RNLS: variants seen among roughly 807,000 people sequenced by gnomAD.
RNLS encodes renalase, FAD dependent amine oxidase.
RNLS carries 39 observed loss-of-function variants against 39.8 expected under a neutral mutation model. That is an observed-to-expected ratio of 0.98 (90% CI 0.76 to 1.28). The LOEUF (loss-of-function observed/expected upper bound fraction) is 1.28, where lower values mean the gene tolerates loss of function less well. Ranked by LOEUF, RNLS falls within the 50% of genes most tolerant of loss-of-function variation. The pLI is 0.00. For missense variants in RNLS, 410 were observed against 413.3 expected (o/e 0.99, Z 0.07); for synonymous variants, 147 against 150.7 (o/e 0.98, Z 0.18).
At chr10:88,267,148 A>C in the RNLS span, among the ~76,000 whole-genome samples, 1 of 152,178 alleles carries the variant, frequency 6.6e-6, no homozygotes, top group African/African-American at 2.4e-5. Flanking sequence ...TGTTTTGCAG[A>C]GGACCCAAAT....
chr10:88,267,691 G>C, the RNLS span, among the ~76,000 whole-genome samples: 1 of 152,118 alleles, frequency 6.6e-6, no homozygotes, highest in Non-Finnish European at 1.5e-5. Flanking sequence ...CCTACAAATT[G>C]AGCACATCTG....
intron 4 of RNLS, among the ~76,000 whole-genome samples, chr10:88,468,930 TTAAA>T (rs953706139): frequency 1.3e-5 from 2 of 152,200 alleles, no homozygotes; most frequent in Admixed American, 6.6e-5. Flanking sequence ...CTTTGAGTTG[TTAAA>T]TAAAGTATGG....
the RNLS span, among the ~76,000 whole-genome samples, chr10:88,247,482 A>G: frequency 4.6e-5 from 7 of 152,194 alleles, no homozygotes; most frequent in Non-Finnish European, 1.0e-4. Flanking sequence ...CCAGTCTGCC[A>G]TTTACTGTGT....
At chr10:88,377,820 A>G (rs972311611) in intron 4 of RNLS, among the ~76,000 whole-genome samples, 7 of 152,186 alleles carry the variant, frequency 4.6e-5, no homozygotes, top group African/African-American at 9.7e-5. Flanking sequence ...ATTTTCTTCA[A>G]TAATAAATTA....
intron 5 of RNLS, among the ~76,000 whole-genome samples, chr10:88,330,901 A>G (rs1366403067): frequency 6.6e-6 from 1 of 152,184 alleles, no homozygotes; most frequent in Non-Finnish European, 1.5e-5. Context: ...ATAGGCTGGT[A>G]CTATTTAATA....
chr10:88,515,762 A>T (rs963713625), intron 4 of RNLS, among the ~76,000 whole-genome samples: 15 of 152,098 alleles, frequency 9.9e-5, no homozygotes, highest in African/African-American at 3.6e-4. Context: ...AGGAAATAAG[A>T]AAAAGCAAAG....
chr10:88,444,690 C>A (rs1440140041), intron 4 of RNLS, among the ~76,000 whole-genome samples: 2 of 152,116 alleles, frequency 1.3e-5, no homozygotes, highest in Non-Finnish European at 2.9e-5. Context: ...GCTTCAGTAG[C>A]CGATTCGATC....
the RNLS span, among the ~76,000 whole-genome samples, chr10:88,218,634 A>C: frequency 2.0e-5 from 3 of 152,166 alleles, no homozygotes; most frequent in Non-Finnish European, 4.4e-5. Context: ...TCCCAGGCCT[A>C]TCTCTTCACC....
intron 4 of RNLS, among the ~76,000 whole-genome samples, chr10:88,510,849 GA>G (rs950402467): frequency 6.7e-4 from 90 of 133,778 alleles, no homozygotes; most frequent in Admixed American, 1.1e-3. Context: ...TCTGTTTCGA[GA>G]AAAAAAAAAA....
At chr10:88,406,209 GA>G (rs1853256772) in intron 4 of RNLS, among the ~76,000 whole-genome samples, 1 of 152,040 alleles carries the variant, frequency 6.6e-6, no homozygotes, top group Non-Finnish European at 1.5e-5. Context: ...CCTAGGCAAA[GA>G]TATTTTTGCG....
At chr10:88,578,949 A>G (rs556178750) in intron 3 of RNLS, among the ~76,000 whole-genome samples, 1 of 152,138 alleles carries the variant, frequency 6.6e-6, no homozygotes, top group East Asian at 1.9e-4. Flanking sequence ...GAACAAAAGG[A>G]TATGTGTATG....
rs977296897 is a variant in RNLS, at chr10:88,573,252, C to T, written c.368-191G>A. ...TTCATCCCTACCTGGCATCCTTGGA[C>T]TTCCCTATCAGTGCCTGCTCTGAAT... On this transcript the variant is annotated intron_variant, in intron 3 of 6. Coordinates refer to ENST00000331772, the MANE Select transcript of RNLS (RefSeq NM_001031709.3). Among the ~76,000 whole-genome samples the T allele has an allele frequency of 2.6e-5, 4 of 152,300 alleles. No homozygotes were observed. The East Asian group carries it at 7.7e-4, about 29-fold the overall frequency.
the RNLS span, among the ~76,000 whole-genome samples, chr10:88,244,307 C>T: frequency 2.0e-4 from 31 of 152,334 alleles, no homozygotes; most frequent in East Asian, 4.6e-3. Flanking sequence ...CAGCCAGATC[C>T]GTACACCATG....
At chr10:88,570,237 T>TA (rs1564909530) in intron 4 of RNLS, among the ~76,000 whole-genome samples, 1 of 152,162 alleles carries the variant, frequency 6.6e-6, no homozygotes, top group Non-Finnish European at 1.5e-5. Flanking sequence ...TAAAAAGCAT[T>TA]AAAAAATAAG....
At chr10:88,535,788 A>C (rs1847722491) in intron 4 of RNLS, among the ~76,000 whole-genome samples, 1 of 152,192 alleles carries the variant, frequency 6.6e-6, no homozygotes, top group Admixed American at 6.6e-5. Flanking sequence ...ACTCAAGTCA[A>C]GAGGAACCAC....
chr10:88,429,130 A>G (rs1030326333), intron 4 of RNLS, among the ~76,000 whole-genome samples: 1 of 151,934 alleles, frequency 6.6e-6, no homozygotes, highest in African/African-American at 2.4e-5. Flanking sequence ...GAAACAGGAG[A>G]AAAACAACCA....
At chr10:88,364,379 A>C (rs2133380536) in intron 4 of RNLS, among the ~76,000 whole-genome samples, 1 of 152,308 alleles carries the variant, frequency 6.6e-6, no homozygotes, top group African/African-American at 2.4e-5. Flanking sequence ...CCTATACATT[A>C]TTTCAGCTAC....
intron 4 of RNLS, among the ~76,000 whole-genome samples, chr10:88,382,269 G>A (rs1470016806): frequency 3.9e-5 from 6 of 152,060 alleles, no homozygotes; most frequent in African/African-American, 1.4e-4. Flanking sequence ...GTAGATGACT[G>A]TTATCAAATT....
chr10:88,218,056 GA>G, the RNLS span, among the ~76,000 whole-genome samples: 7 of 149,316 alleles, frequency 4.7e-5, no homozygotes, highest in South Asian at 4.3e-4. Context: ...GAAAAACAAG[GA>G]AAAAAAAAAT....
Sources: allele counts gnomAD v4.1 joint callset (sites outside exome capture counted in the v4.1 genomes callset), GRCh38; gene constraint gnomAD v4.1.1; transcripts MANE v1.5; gene names NCBI Gene and HGNC (gene_info 2026-07-23, HGNC 2026-07-21).